FMN2: variants seen among roughly 807,000 people sequenced by gnomAD.
FMN2 encodes formin-2.
Under a neutral mutation model 142.3 loss-of-function variants are expected in FMN2, and 51 were observed. The ratio of observed to expected loss-of-function variants is 0.36; its 90% confidence interval spans 0.29 to 0.45. The LOEUF is 0.45. FMN2 is among the 20% of genes least tolerant of loss of function. The probability of loss-of-function intolerance (pLI) is 1.00; values close to 1 mark genes in which losing one functional copy is unlikely to be tolerated. For missense variants in FMN2, 1,936 were observed against 2,122.8 expected (o/e 0.91, Z 1.73); for synonymous variants, 882 against 869.8 (o/e 1.01, Z -0.25).
intron 14 of FMN2, among the ~76,000 whole-genome samples, chr1:240,363,846 A>G (rs1457409133): frequency 6.6e-6 from 1 of 151,756 alleles, no homozygotes; most frequent in Non-Finnish European, 1.5e-5. Flanking sequence ...TTCCTGCCTG[A>G]TGGCTCAGGT....
rs776097330 is a variant in FMN2, at chr1:240,142,099, A to G, written c.1782+18754A>G. 4.7e-4 allele frequency among the ~76,000 whole-genome samples: 72 copies of G among 152,326 alleles called. No individual in the cohort carries two copies. In the Middle Eastern group the frequency reaches 0.017, roughly 36 times the overall value. On this transcript the variant is annotated intron_variant, in intron 2 of 17. Transcript: ENST00000319653. ...TTTGGATGCAGATCAGAAATATATC[A>G]GAGTCTCCCTGTAGCTTTGAAGTTA...
intron 16 of FMN2, among the ~76,000 whole-genome samples, chr1:240,471,054 C>T (rs947565530): frequency 6.6e-6 from 1 of 152,148 alleles, no homozygotes; most frequent in African/African-American, 2.4e-5. Flanking sequence ...AGAACATTAC[C>T]GGTGTCAAAT....
At chr1:240,100,331 T>A (rs145203297) in intron 1 of FMN2, among the ~76,000 whole-genome samples, 98 of 152,334 alleles carry the variant, frequency 6.4e-4, no homozygotes, top group African/African-American at 2.3e-3. Flanking sequence ...TTCATTCCTG[T>A]TTTGTATTCT....
intron 15 of FMN2, among the ~76,000 whole-genome samples, chr1:240,419,152 G>T (rs1674680954): frequency 6.6e-6 from 1 of 152,162 alleles, no homozygotes; most frequent in African/African-American, 2.4e-5. Context: ...CTTACAGGCA[G>T]ATATGTCAGT....
chr1:240,130,771 C>A (rs1475295731), intron 2 of FMN2, among the ~76,000 whole-genome samples: 3 of 152,212 alleles, frequency 2.0e-5, no homozygotes, highest in Non-Finnish European at 4.4e-5. Flanking sequence ...GCTTTTCCCC[C>A]TGTATTCTCA....
At chr1:240,425,482 A>C (rs886861074) in intron 15 of FMN2, among the ~76,000 whole-genome samples, 1 of 152,020 alleles carries the variant, frequency 6.6e-6, no homozygotes, top group Non-Finnish European at 1.5e-5. Context: ...GCTTTTGTGG[A>C]TCCATTCTTT....
chr1:240,259,020 T>G (rs2102899398), intron 7 of FMN2, among the ~76,000 whole-genome samples: 1 of 152,332 alleles, frequency 6.6e-6, no homozygotes, highest in Admixed American at 6.5e-5. Flanking sequence ...AGCACAAGCT[T>G]GGTATGCCCT....
rs372459570 is a variant in FMN2 at position 240,451,308 on chromosome 1, G to A, written c.5060+13098G>A. ...TGGGAGGTGGAGGGTGCAGTGAGCC[G>A]AGATCACAACACTGCACTCTAGACT... On this transcript the variant is annotated intron_variant, in intron 16 of 17. Coordinates refer to ENST00000319653, the MANE Select transcript of FMN2 (RefSeq NM_020066.5). 8.1e-4 allele frequency among the ~76,000 whole-genome samples: 122 copies of A among 151,052 alleles called. 3 individuals carry two copies. The South Asian group carries it at 0.025, about 31-fold the overall frequency.
At chr1:240,472,627 A>G (rs1558126280) in intron 17 of FMN2, among the ~76,000 whole-genome samples, 174 bp downstream of exon 17, 1 of 152,156 alleles carries the variant, frequency 6.6e-6, no homozygotes, top group Admixed American at 6.5e-5. Flanking sequence ...CCAGAAGGCT[A>G]AGAGTCTTGA....
intron 14 of FMN2, among the ~76,000 whole-genome samples, chr1:240,369,253 AAC>A (rs1240263222): frequency 1.3e-5 from 2 of 152,128 alleles, no homozygotes; most frequent in East Asian, 3.9e-4. Flanking sequence ...TTTTTCTGTT[AAC>A]ACAATTATTT....
chr1:240,430,179 C>T (rs1283501960), intron 15 of FMN2, among the ~76,000 whole-genome samples: 1 of 152,106 alleles, frequency 6.6e-6, no homozygotes. Context: ...AGCCACTGCA[C>T]CCGGCCTGAA....
intron 6 of FMN2, among the ~76,000 whole-genome samples, chr1:240,242,072 C>G (rs1328379688): frequency 6.6e-6 from 1 of 152,078 alleles, no homozygotes; most frequent in Non-Finnish European, 1.5e-5. Flanking sequence ...GTCTCGATCT[C>G]CTGACCTCGT....
intron 6 of FMN2, among the ~76,000 whole-genome samples, chr1:240,235,030 T>C (rs1040751298): frequency 6.6e-6 from 1 of 152,150 alleles, no homozygotes; most frequent in Admixed American, 6.5e-5. Context: ...GCAACCAGTA[T>C]TGCATGCAAA....
intron 7 of FMN2, chr1:240,285,418 T>C (rs1669551967): frequency 7.5e-6 from 3 of 400,926 alleles, no homozygotes; most frequent in South Asian, 3.6e-5. Context: ...GTTCTATAAG[T>C]GAGGAGTTCA....
intron 7 of FMN2, among the ~76,000 whole-genome samples, chr1:240,288,591 G>A (rs1669670763): frequency 1.3e-5 from 2 of 152,092 alleles, no homozygotes; most frequent in Admixed American, 6.6e-5. Flanking sequence ...TGAGACTCAC[G>A]GCCCTGTGAT....
At chr1:240,300,610 G>A (rs984297605) in intron 8 of FMN2, among the ~76,000 whole-genome samples, 10 of 152,098 alleles carry the variant, frequency 6.6e-5, no homozygotes, top group East Asian at 3.9e-4. Context: ...CCATCAAACC[G>A]AAATGAAAAC....
intron 10 of FMN2, among the ~76,000 whole-genome samples, 179 bp downstream of exon 10, chr1:240,329,647 C>T (rs577526619): frequency 2.0e-5 from 3 of 152,198 alleles, no homozygotes; most frequent in South Asian, 2.1e-4. Flanking sequence ...AATGTTCCGG[C>T]GGGCGCCCAG....
chr1:240,168,555 C>G (rs1046019712), intron 2 of FMN2, among the ~76,000 whole-genome samples: 46 of 152,178 alleles, frequency 3.0e-4, no homozygotes, highest in African/African-American at 8.9e-4. Context: ...CACTACTGCA[C>G]TTCAGCCTGG....
intron 15 of FMN2, among the ~76,000 whole-genome samples, chr1:240,429,614 T>TAATTAA (rs1262553184): frequency 6.6e-6 from 1 of 152,230 alleles, no homozygotes; most frequent in East Asian, 1.9e-4. Context: ...TTGTTCTGAT[T>TAATTAA]AGTCAACATA....
Sources: allele counts gnomAD v4.1 joint callset (sites outside exome capture counted in the v4.1 genomes callset), GRCh38; gene constraint gnomAD v4.1.1; transcripts MANE v1.5; gene names NCBI Gene and HGNC (gene_info 2026-07-23, HGNC 2026-07-21).